PTPRN2: variants seen among roughly 807,000 people sequenced by gnomAD.
PTPRN2 encodes the protein receptor-type tyrosine-protein phosphatase N2.
PTPRN2 carries 74 observed loss-of-function variants against 118.8 expected under a neutral mutation model. The observed-to-expected ratio is 0.62, with a 90% CI of 0.52 to 0.76. The LOEUF is 0.76. PTPRN2 is among the 30% of genes least tolerant of loss of function. PTPRN2 has a pLI of 0.00. For missense variants in PTPRN2, 1,481 were observed against 1,394.4 expected, an observed-to-expected ratio of 1.06 and a Z score of -0.99; for synonymous variants, 641 against 608.0, an observed-to-expected ratio of 1.05 and a Z score of -0.80.
chr7:157,984,905 C>T lies in PTPRN2; in HGVS notation c.1724-86168G>A, dbSNP rs1040056152. On this transcript the variant is annotated intron_variant, in intron 11 of 22. Transcript: ENST00000389418. ...TGCCCCTCACTGTCGGCCTCAGGCCCAGGCTCTCTGTGTAGAGGCCTCCTG... is the reference window on the plus strand; with the variant it reads ...TGCCCCTCACTGTCGGCCTCAGGCCTAGGCTCTCTGTGTAGAGGCCTCCTG... Among the ~76,000 whole-genome samples the T allele has an allele frequency of 2.6e-5, 4 of 152,246 alleles. No individual in the cohort carries two copies. In the East Asian group the frequency reaches 7.7e-4, roughly 29 times the overall value.
chr7:158,419,655 C>A (rs1815086867), intron 2 of PTPRN2, among the ~76,000 whole-genome samples: 1 of 152,136 alleles, frequency 6.6e-6, no homozygotes, highest in African/African-American at 2.4e-5. Context: ...GAGTGAAATA[C>A]CTGATGGAGG....
intron 2 of PTPRN2, among the ~76,000 whole-genome samples, chr7:158,344,075 C>T (rs1807299035): frequency 6.6e-6 from 1 of 152,166 alleles, no homozygotes; most frequent in African/African-American, 2.4e-5. Flanking sequence ...ACGAGAGTGT[C>T]AGACCCCAGC....
At chr7:157,971,101 G>A (rs79687073) in intron 11 of PTPRN2, among the ~76,000 whole-genome samples, 2 of 152,072 alleles carry the variant, frequency 1.3e-5, no homozygotes, top group Non-Finnish European at 2.9e-5. Flanking sequence ...GCTTATGTGG[G>A]TGTTTTCTCC....
At chr7:157,704,518 G>T (rs1356496014) in intron 12 of PTPRN2, among the ~76,000 whole-genome samples, 1 of 152,364 alleles carries the variant, frequency 6.6e-6, no homozygotes, top group East Asian at 1.9e-4. Context: ...TGGAGGGCCT[G>T]AAGGTCCCAC....
intron 4 of PTPRN2, among the ~76,000 whole-genome samples, chr7:158,200,937 GAATA>G (rs1253856806): frequency 6.6e-6 from 1 of 151,308 alleles, no homozygotes; most frequent in African/African-American, 2.4e-5. Context: ...TTTTAAAAAT[GAATA>G]AATAGCGTAA....
intron 16 of PTPRN2, among the ~76,000 whole-genome samples, chr7:157,602,044 A>C (rs1031232398): frequency 6.6e-6 from 1 of 152,368 alleles, no homozygotes; most frequent in African/African-American, 2.4e-5. Context: ...AATTGATGAC[A>C]GAAAAATACT....
intron 1 of PTPRN2, among the ~76,000 whole-genome samples, chr7:158,522,438 G>A (rs10233113): frequency 0.075 from 8,753 of 116,090 alleles, 1,352 homozygotes; most frequent in East Asian, 0.19. Flanking sequence ...GGTCCACATC[G>A]GAATGGTAGA....
chr7:158,241,648 CA>C (rs1795910576), intron 3 of PTPRN2, among the ~76,000 whole-genome samples: 1 of 152,204 alleles, frequency 6.6e-6, no homozygotes, highest in African/African-American at 2.4e-5. Flanking sequence ...CTGAAGTGTT[CA>C]CGCCCTGTTT....
In PTPRN2 at chr7:158,340,390, A is replaced by G. The variant is rs1357278645; in HGVS notation, c.164-23458T>C. 1.7e-4 allele frequency among the ~76,000 whole-genome samples: 13 copies of G among 77,144 alleles called. 2 individuals are homozygous for G. The highest frequency in any genetic ancestry group is 7.4e-4 in the Admixed American group (5 of 6,736). 50.6% of individuals were successfully genotyped at this position (77,144 alleles called of 152,430 possible). On this transcript the variant is annotated intron_variant, in intron 2 of 22. Transcript: ENST00000389418. ...GGTCACTCACACCCATACTCTCACC[A>G]TAAGAGCTGACACCCGCAGACGTCA... is the stretch of plus-strand genomic sequence containing the variant.
At chr7:157,637,476 C>T (rs941479006) in intron 14 of PTPRN2, among the ~76,000 whole-genome samples, 8 of 152,274 alleles carry the variant, frequency 5.3e-5, no homozygotes, top group African/African-American at 9.6e-5. Flanking sequence ...TGGGGAGTGG[C>T]GGTTTCCGTA....
chr7:158,257,281 C>G (rs529150151), intron 3 of PTPRN2, among the ~76,000 whole-genome samples: 1 of 152,194 alleles, frequency 6.6e-6, no homozygotes, highest in Non-Finnish European at 1.5e-5. Context: ...TCACAGAAAC[C>G]TGTGGCGTGT....
At chr7:158,257,260 C>A (rs1183753672) in intron 3 of PTPRN2, among the ~76,000 whole-genome samples, 2 of 152,204 alleles carry the variant, frequency 1.3e-5, no homozygotes, top group Non-Finnish European at 2.9e-5. Flanking sequence ...AACCCGACCC[C>A]TCAGGTTTGA....
chr7:158,181,025 AG>A (rs1315719832), intron 5 of PTPRN2, among the ~76,000 whole-genome samples: 3 of 152,104 alleles, frequency 2.0e-5, no homozygotes, highest in African/African-American at 7.2e-5. Context: ...TTCAGTTCGC[AG>A]GGGGGATGCT....
chr7:158,378,260 C>T (rs375213310), intron 2 of PTPRN2, among the ~76,000 whole-genome samples: 1 of 152,210 alleles, frequency 6.6e-6, no homozygotes, highest in South Asian at 2.1e-4. Context: ...GAGGCTGTCC[C>T]CTCAGCTCTT....
chr7:158,103,482 G>A (rs1039342759), intron 10 of PTPRN2, among the ~76,000 whole-genome samples: 3 of 152,228 alleles, frequency 2.0e-5, no homozygotes, highest in Admixed American at 6.5e-5. Context: ...TGTGCCCATG[G>A]AGCAGCGATG....
chr7:157,990,493 C>T lies in PTPRN2; in HGVS notation c.1723+90805G>A, dbSNP rs1390933961. ...TCTCCCCAAGGCTTGGGCCACACTC[C>T]ATGCCACCATGCCCAACGGTCCCCG... On this transcript the variant is annotated intron_variant, in intron 11 of 22. Coordinates refer to ENST00000389418, the MANE Select transcript of PTPRN2 (RefSeq NM_002847.5). This position sits in a 1 kb window ranked among gnomAD's most constrained non-coding sequence, Gnocchi z 4.3. Among the ~76,000 whole-genome samples, 1 of 152,148 alleles carries T rather than the reference C, an allele frequency of 6.6e-6. No homozygotes were observed. The highest frequency in any genetic ancestry group is 1.5e-5 in the Non-Finnish European group (1 of 68,010).
chr7:157,930,593 T>C (rs1224996853), intron 11 of PTPRN2, among the ~76,000 whole-genome samples: 1 of 152,172 alleles, frequency 6.6e-6, no homozygotes, highest in Admixed American at 6.5e-5. Context: ...AAGGGGGGCT[T>C]TCTTTTCTTT....
At chr7:158,056,855 T>C (rs1809830142) in intron 11 of PTPRN2, among the ~76,000 whole-genome samples, 1 of 152,182 alleles carries the variant, frequency 6.6e-6, no homozygotes, top group South Asian at 2.1e-4. Flanking sequence ...CAGGGGACGG[T>C]GAGTGGCCAT....
At position 158,363,690 on chromosome 7, in the gene PTPRN2, G is replaced by A. The variant is rs548030577; in HGVS notation, c.164-46758C>T. On this transcript the variant is annotated intron_variant, in intron 2 of 22. Coordinates refer to ENST00000389418, the MANE Select transcript of PTPRN2 (RefSeq NM_002847.5). ...TGAGACACTTAGGGTGTCCCAGGGC[G>A]CTCGGCCCCCAGAGCTCTGAGGTGA... 7.2e-5 allele frequency among the ~76,000 whole-genome samples: 11 copies of A among 152,288 alleles called. No individual in the cohort carries two copies. The South Asian group carries it at 1.5e-3, about 20-fold the overall frequency.
Sources: allele counts gnomAD v4.1 joint callset (sites outside exome capture counted in the v4.1 genomes callset), GRCh38; gene constraint gnomAD v4.1.1; non-coding constraint Gnocchi (gnomAD v3.1); transcripts MANE v1.5; gene names NCBI Gene and HGNC (gene_info 2026-07-23, HGNC 2026-07-21).